ADGRV1: variants seen among roughly 807,000 people sequenced by gnomAD.
ADGRV1 encodes the protein G-protein coupled receptor 98.
Under a neutral mutation model 596.2 loss-of-function variants are expected in ADGRV1, and 359 were observed. The observed-to-expected ratio is 0.60, with a 90% CI of 0.55 to 0.66. The LOEUF is 0.66. ADGRV1 is among the 30% of genes least tolerant of loss of function. The pLI, the probability that ADGRV1 is intolerant of heterozygous loss-of-function variation, is 0.00. For missense variants in ADGRV1, 7,274 were observed against 7,575.6 expected (o/e 0.96, Z 1.48); for synonymous variants, 2,681 against 2,679.2 (o/e 1.00, Z -0.02).
chr5:91,005,072 A>G (rs1379728904), intron 85 of ADGRV1, among the ~76,000 whole-genome samples: 1 of 152,174 alleles, frequency 6.6e-6, no homozygotes, highest in Non-Finnish European at 1.5e-5. Flanking sequence ...ACCCTACACT[A>G]AATTTAAGTG....
intron 85 of ADGRV1, among the ~76,000 whole-genome samples, chr5:91,034,977 G>C (rs896751217): frequency 6.6e-6 from 1 of 152,018 alleles, no homozygotes; most frequent in Admixed American, 6.6e-5. Flanking sequence ...TTACTCTTTT[G>C]ACCAGGCTAT....
At chr5:90,768,875 G>T (rs556861011) in intron 59 of ADGRV1, among the ~76,000 whole-genome samples, 1 of 152,180 alleles carries the variant, frequency 6.6e-6, no homozygotes, top group Non-Finnish European at 1.5e-5. Flanking sequence ...CAACACCTGT[G>T]TAAGTGAAAG....
At chr5:91,130,681 G>A (rs1445521074) in intron 87 of ADGRV1, among the ~76,000 whole-genome samples, 1 of 152,112 alleles carries the variant, frequency 6.6e-6, no homozygotes, top group Non-Finnish European at 1.5e-5. Context: ...TTGTTGCATG[G>A]ATTTATTGCA....
chr5:91,115,569 A>G (rs1792780031), intron 87 of ADGRV1, among the ~76,000 whole-genome samples: 2 of 152,234 alleles, frequency 1.3e-5, no homozygotes, highest in African/African-American at 4.8e-5. Context: ...TCTGTAATCC[A>G]TCAATTGAAG....
intron 20 of ADGRV1, among the ~76,000 whole-genome samples, chr5:90,656,541 G>A (rs747273888): frequency 6.6e-6 from 1 of 152,164 alleles, no homozygotes; most frequent in Non-Finnish European, 1.5e-5. Context: ...CAATAGGAGA[G>A]ACAACATAGG....
chr5:90,656,343 A>G (rs1158610796), intron 20 of ADGRV1, among the ~76,000 whole-genome samples: 1 of 152,218 alleles, frequency 6.6e-6, no homozygotes, highest in East Asian at 1.9e-4. Context: ...GTAACAGAGG[A>G]ACCAAGACAT....
intron 85 of ADGRV1, among the ~76,000 whole-genome samples, chr5:91,072,024 G>A (rs942564756): frequency 1.3e-5 from 2 of 152,092 alleles, no homozygotes; most frequent in African/African-American, 4.8e-5. Flanking sequence ...AAGTTAAAAA[G>A]TATATCTAAA....
chr5:91,008,073 T>C (rs955932998), intron 85 of ADGRV1, among the ~76,000 whole-genome samples: 1 of 152,212 alleles, frequency 6.6e-6, no homozygotes, highest in Non-Finnish European at 1.5e-5. Context: ...CTTTAACCCC[T>C]ATTTTATCAT....
At chr5:91,003,834 G>A (rs1782042510) in intron 85 of ADGRV1, among the ~76,000 whole-genome samples, 2 of 151,988 alleles carry the variant, frequency 1.3e-5, no homozygotes, top group South Asian at 4.2e-4. Context: ...TCTTCCCGGT[G>A]GACTCAGATG....
At chr5:90,978,379 C>A (rs540058682) in intron 84 of ADGRV1, among the ~76,000 whole-genome samples, 1 of 152,038 alleles carries the variant, frequency 6.6e-6, no homozygotes, top group East Asian at 1.9e-4. Context: ...TCACTTTTCA[C>A]CAGTTAACTT....
rs1055338730 is a variant in ADGRV1, at chr5:90,604,676, C to T, written c.23-10159C>T. 3.3e-5 allele frequency among the ~76,000 whole-genome samples: 5 copies of T among 151,856 alleles called. No individual in the cohort carries two copies. In the South Asian group the frequency reaches 6.2e-4, roughly 19 times the overall value. On this transcript the variant is annotated intron_variant, in intron 1 of 89. Transcript: ENST00000405460. ...GCTGTTGATTTTTTTTTTAGACAGA[C>T]GGGTGCCATCTAATGGTGGTTTAAG...
At chr5:90,910,961 C>A (rs771255658) in intron 83 of ADGRV1, among the ~76,000 whole-genome samples, 49 of 151,952 alleles carry the variant, frequency 3.2e-4, no homozygotes, top group South Asian at 1.5e-3. Flanking sequence ...TTTATTTGAA[C>A]CTTGAAACAC....
chr5:91,146,913 G>A (rs1795578713), intron 87 of ADGRV1, among the ~76,000 whole-genome samples: 1 of 152,126 alleles, frequency 6.6e-6, no homozygotes, highest in Admixed American at 6.5e-5. Flanking sequence ...TGTAATCCCA[G>A]CCCTATGGGA....
At chr5:90,925,442 T>C (rs1774333442) in intron 83 of ADGRV1, among the ~76,000 whole-genome samples, 1 of 152,320 alleles carries the variant, frequency 6.6e-6, no homozygotes, top group South Asian at 2.1e-4. Flanking sequence ...TGTCTATTAT[T>C]GGTGTATAAG....
chr5:90,797,729 A>G (rs1384595435), intron 70 of ADGRV1, among the ~76,000 whole-genome samples: 1 of 152,236 alleles, frequency 6.6e-6, no homozygotes, highest in African/African-American at 2.4e-5. Context: ...AATTGGAAGT[A>G]AAACACACCT....
intron 86 of ADGRV1, among the ~76,000 whole-genome samples, chr5:91,087,440 G>A (rs114765283): frequency 0.01 from 1,532 of 151,586 alleles, 19 homozygotes; most frequent in Non-Finnish European, 0.015. Flanking sequence ...GAGACTGCAG[G>A]CATGCACCAC....
At chr5:91,028,691 A>G (rs1258713717) in intron 85 of ADGRV1, among the ~76,000 whole-genome samples, 2 of 148,868 alleles carry the variant, frequency 1.3e-5, no homozygotes, top group African/African-American at 2.5e-5. Context: ...CATGACACCC[A>G]ACATGTCTGA....
intron 85 of ADGRV1, among the ~76,000 whole-genome samples, chr5:91,053,617 A>T (rs930353570): frequency 1.2e-4 from 18 of 152,282 alleles, no homozygotes; most frequent in Middle Eastern, 6.8e-3. Context: ...TGTCCAATTC[A>T]TTTTCATATT....
chr5:90,729,661 T>C lies in ADGRV1; in HGVS notation c.10446T>C (p.Asp3482=). ...TTGCAGGAGATCAGAATTCAATTGA[T>C]ATTTTCATCTGGGAGATGGGACAGT... is the stretch of plus-strand genomic sequence containing the variant. ...NVFLGDQNSI[D]IFIWEMGQSS... is the part of the protein sequence containing the mutation. The change falls in exon 50 of 90, where the codon GAT becomes GAC. Residue 3482 remains aspartate, a synonymous_variant. Coordinates refer to ENST00000405460, the MANE Select transcript of ADGRV1 (RefSeq NM_032119.4). 3 of 1,606,346 alleles carry C rather than the reference T, an allele frequency of 1.9e-6. No homozygotes were observed. The highest frequency in any genetic ancestry group is 2.6e-6 in the Non-Finnish European group (3 of 1,173,832).
Sources: allele counts gnomAD v4.1 joint callset (sites outside exome capture counted in the v4.1 genomes callset), GRCh38; gene constraint gnomAD v4.1.1; transcripts MANE v1.5; gene names NCBI Gene and HGNC (gene_info 2026-07-23, HGNC 2026-07-21).